The following IPO11 variants were observed in gnomAD, a reference collection of about 807,000 sequenced individuals.
IPO11 encodes importin 11.
IPO11 carries 66 observed loss-of-function variants against 143.2 expected under a neutral mutation model. That is an observed-to-expected ratio of 0.46 (90% CI 0.38 to 0.57). IPO11 has a LOEUF of 0.57. Ranked by LOEUF, IPO11 falls within the 20% of genes least tolerant of loss-of-function variation. IPO11 has a pLI of 0.00. For synonymous variants in IPO11, 385 were observed against 377.8 expected (o/e 1.02, Z -0.22); for missense variants, 1,026 against 1,141.0 (o/e 0.90, Z 1.45).
intron 28 of IPO11, among the ~76,000 whole-genome samples, chr5:62,598,516 TTC>T (rs1302088018): frequency 2.1e-4 from 2 of 9,744 alleles, no homozygotes; most frequent in African/African-American, 2.7e-3. Flanking sequence ...CTTTCTTTCT[TTC>T]TTTCTTTCTT....
chr5:62,612,070 A>G (rs577478713), intron 29 of IPO11, among the ~76,000 whole-genome samples: 3 of 152,162 alleles, frequency 2.0e-5, no homozygotes, highest in African/African-American at 7.2e-5. Flanking sequence ...ACATTATGCG[A>G]TAAGTCCTTC....
intron 1 of IPO11, among the ~76,000 whole-genome samples, chr5:62,421,847 G>A (rs1743525991): frequency 6.6e-6 from 1 of 152,194 alleles, no homozygotes; most frequent in Middle Eastern, 3.2e-3. Context: ...TACAATGACA[G>A]GCTGAGCTCT....
intron 16 of IPO11, among the ~76,000 whole-genome samples, chr5:62,503,799 A>G (rs1741443629): frequency 6.6e-6 from 1 of 152,222 alleles, no homozygotes; most frequent in African/African-American, 2.4e-5. Context: ...TTGCATCTCA[A>G]GACCTCAGAA....
chr5:62,519,460 C>T (rs757074296), intron 20 of IPO11, among the ~76,000 whole-genome samples: 16 of 152,174 alleles, frequency 1.1e-4, no homozygotes, highest in Non-Finnish European at 1.8e-4. Flanking sequence ...GTAGGCATTA[C>T]TTCTTGACTT....
chr5:62,415,880 C>T (rs1457482420), intron 1 of IPO11, among the ~76,000 whole-genome samples: 1 of 152,196 alleles, frequency 6.6e-6, no homozygotes, highest in Non-Finnish European at 1.5e-5. Flanking sequence ...ACATGAAGAC[C>T]TCTATCTGTC....
chr5:62,463,759 A>G (rs1437457834), intron 5 of IPO11, among the ~76,000 whole-genome samples: 3 of 151,858 alleles, frequency 2.0e-5, no homozygotes, highest in African/African-American at 7.2e-5. Context: ...TAGTTATTGT[A>G]TTAAGAGACA....
chr5:62,514,946 C>T lies in IPO11; in HGVS notation c.1783-442C>T, dbSNP rs898236676. Among the ~76,000 whole-genome samples, 6 of 152,242 alleles carry T rather than the reference C, an allele frequency of 3.9e-5. No individual in the cohort carries two copies. The East Asian group carries it at 7.7e-4, about 20-fold the overall frequency. On this transcript the variant is annotated intron_variant, in intron 19 of 29. Coordinates refer to ENST00000325324, the MANE Select transcript of IPO11 (RefSeq NM_016338.5). ...TTTTTCATTGTAAGGGTTTGTCTGG[C>T]TGTCTGTGTATCCTTTTCTGTCCAG...
intron 20 of IPO11, among the ~76,000 whole-genome samples, chr5:62,516,365 C>G (rs1436751186): frequency 6.6e-6 from 1 of 152,076 alleles, no homozygotes; most frequent in Non-Finnish European, 1.5e-5. Context: ...GCGATCTTGG[C>G]TCACTGCAAC....
intron 28 of IPO11, among the ~76,000 whole-genome samples, chr5:62,598,566 A>C (rs1410154761): frequency 2.7e-4 from 1 of 3,650 alleles, no homozygotes; most frequent in Admixed American, 3.2e-3. Flanking sequence ...TTTTTTTTTT[A>C]TGGAGTCTTG....
At chr5:62,541,434 C>G (rs1742935176) in intron 24 of IPO11, among the ~76,000 whole-genome samples, 1 of 151,278 alleles carries the variant, frequency 6.6e-6, no homozygotes, top group Non-Finnish European at 1.5e-5. Context: ...AATCCTAACA[C>G]CTTGGGAGGC....
Position 62,412,823 on chromosome 5 carries a change from A to G in IPO11, c.-113A>G, listed in dbSNP as rs1324807479. ...CCTAGAAGCCGCTTTCGGCATCAGT[A>G]GGCGGCGGCGTGGGGTCTGGCAGCG... is the stretch of plus-strand genomic sequence containing the variant. On this transcript the variant is annotated 5_prime_UTR_variant, in exon 1 of 30. Coordinates refer to ENST00000325324, the MANE Select transcript of IPO11 (RefSeq NM_016338.5). 1 of 152,690 alleles carries G rather than the reference A, an allele frequency of 6.5e-6. No individual in the cohort carries two copies. The highest frequency in any genetic ancestry group is 2.1e-4 in the South Asian group (1 of 4,834). 9.5% of individuals were successfully genotyped at this position (152,690 alleles called of 1,614,324 possible).
At chr5:62,603,823 C>T (rs1383304495) in intron 29 of IPO11, among the ~76,000 whole-genome samples, 1 of 152,214 alleles carries the variant, frequency 6.6e-6, no homozygotes, top group Admixed American at 6.5e-5. Context: ...CGCAGTCATG[C>T]ACTGCTCAGC....
chr5:62,577,453 T>G (rs967261922), intron 27 of IPO11, among the ~76,000 whole-genome samples: 1 of 152,168 alleles, frequency 6.6e-6, no homozygotes, highest in Admixed American at 6.5e-5. Context: ...TTATTTTTAT[T>G]TCAAAGGACC....
At chr5:62,598,455 T>C (rs1580370788) in intron 28 of IPO11, among the ~76,000 whole-genome samples, 1 of 3,184 alleles carries the variant, frequency 3.1e-4, no homozygotes, top group Non-Finnish European at 5.3e-4. Context: ...TCTCTCTCTC[T>C]CTCTCTCTCT....
At chr5:62,582,727 A>G (rs986915419) in intron 27 of IPO11, among the ~76,000 whole-genome samples, 1 of 152,192 alleles carries the variant, frequency 6.6e-6, no homozygotes. Flanking sequence ...AAGAATCTTT[A>G]ATATAGATGG....
At chr5:62,521,943 A>G (rs1179093061) in intron 20 of IPO11, among the ~76,000 whole-genome samples, 1 of 152,140 alleles carries the variant, frequency 6.6e-6, no homozygotes, top group African/African-American at 2.4e-5. Flanking sequence ...TTAATTACCA[A>G]AGATATTAAT....
chr5:62,476,156 G>A (rs1745950430), intron 8 of IPO11, among the ~76,000 whole-genome samples: 1 of 152,112 alleles, frequency 6.6e-6, no homozygotes, highest in African/African-American at 2.4e-5. Context: ...CGTAGCAGAA[G>A]GAAGAATAAA....
intron 19 of IPO11, among the ~76,000 whole-genome samples, chr5:62,514,077 G>A (rs951168317): frequency 6.6e-5 from 10 of 151,012 alleles, no homozygotes; most frequent in African/African-American, 1.7e-4. Context: ...GTGGGATGGC[G>A]GCCGGGCAGA....
At chr5:62,502,061 A>G (rs1349511110) in intron 16 of IPO11, among the ~76,000 whole-genome samples, 2 of 152,248 alleles carry the variant, frequency 1.3e-5, no homozygotes, top group African/African-American at 4.8e-5. Context: ...ACATCTGCAC[A>G]GAAGTTTCTG....
Sources: gnomAD v4.1 joint callset for allele counts (sites outside exome capture counted in the v4.1 genomes callset) on GRCh38, gnomAD v4.1.1 for gene constraint, MANE v1.5 for transcripts, NCBI Gene and HGNC (gene_info 2026-07-23, HGNC 2026-07-21) for gene names.